CHRNG: variants seen among roughly 807,000 people sequenced by gnomAD.
The protein encoded by CHRNG is acetylcholine receptor subunit gamma.
A neutral mutation model predicts 65.2 loss-of-function variants in CHRNG; 72 were observed. The observed-to-expected ratio is 1.10, with a 90% confidence interval of 0.91 to 1.34. The LOEUF (loss-of-function observed/expected upper bound fraction) is 1.34, where lower values mean the gene tolerates loss of function less well. Among genes scored for constraint, CHRNG ranks in the 40% most tolerant of loss-of-function variants. The pLI, the probability that CHRNG is intolerant of heterozygous loss-of-function variation, is 0.00. For synonymous variants in CHRNG, 284 were observed against 290.2 expected (o/e 0.98, Z 0.22); for missense variants, 637 against 680.1 (o/e 0.94, Z 0.70).
rs1236498028 is a variant in CHRNG, at chr2:232,547,609, T to C, written c.*1893T>C. Among the ~76,000 whole-genome samples, 2 of 152,180 alleles carry C rather than the reference T, an allele frequency of 1.3e-5. No homozygotes were observed. The highest frequency in any genetic ancestry group is 6.5e-5 in the Admixed American group (1 of 15,282). Reference sequence around the variant, plus strand: ...TCCAGTGTGAGTCTGTGTCTGTGCATGCACAGTGTGTTTGAAGCAAGAGCA... The same window carrying C: ...TCCAGTGTGAGTCTGTGTCTGTGCACGCACAGTGTGTTTGAAGCAAGAGCA... On this transcript the variant is annotated 3_prime_UTR_variant, in exon 12 of 12. Coordinates refer to ENST00000651502, the MANE Select transcript of CHRNG (RefSeq NM_005199.5).
rs1418842113 is a variant in CHRNG, at chr2:232,547,044, G to GGAC, written c.*1329_*1331dup. Among the ~76,000 whole-genome samples, 1 of 152,092 alleles carries GGAC rather than the reference G, an allele frequency of 6.6e-6. No individual in the cohort carries two copies. The highest frequency in any genetic ancestry group is 6.5e-5 in the Admixed American group (1 of 15,272). Reference sequence around the variant, plus strand: ...CACACGAGTTTGGCTGGTAACCAGGGGACACCCTTGGGCAAGTCACCTATG... The same window carrying GGAC: ...CACACGAGTTTGGCTGGTAACCAGGGGACGACACCCTTGGGCAAGTCACCTATG... On this transcript the variant is annotated 3_prime_UTR_variant, in exon 12 of 12. Coordinates refer to ENST00000651502, the MANE Select transcript of CHRNG (RefSeq NM_005199.5).
chr2:232,543,375 G>A lies in CHRNG; in HGVS notation c.906G>A (p.Val302=). 1 of 1,612,958 alleles carries A rather than the reference G, an allele frequency of 6.2e-7. No homozygotes were observed. The highest frequency in any genetic ancestry group is 8.5e-7 in the Non-Finnish European group (1 of 1,178,982). The change falls in exon 8 of 12, where the codon GTG becomes GTA. Residue 302 remains valine (V), a synonymous_variant. Transcript: ENST00000651502. ...AGGTGCCTGAAACCTCCCAGGCGGT[G>A]CCACTCATCAGCAAGTAAGGCTGGT... ...AKKVPETSQA[V]PLISKYLTFL...
chr2:232,542,939 C>A lies in CHRNG; in HGVS notation c.662C>A (p.Ala221Glu). ...RPAKMLLDPA[A>E]PAQEAGHQKV... ...GCCAAGATGCTCCTGGACCCAGCGG[C>A]GCCAGCCCAGGAAGCAGGCCACCAG... The change falls in exon 7 of 12, where the codon GCG becomes GAG. Residue 221 changes from alanine to glutamate, a missense_variant. Physicochemically the swap from Ala to Glu is moderately radical, Grantham distance 107. Coordinates refer to ENST00000651502, the MANE Select transcript of CHRNG (RefSeq NM_005199.5). The A allele has an allele frequency of 6.2e-7, 1 of 1,614,140 alleles. No homozygotes were observed. Among genetic ancestry groups the A allele is most frequent in the Non-Finnish European group, 8.5e-7 (1 of 1,179,990 alleles).
chr2:232,544,765 T>G lies in CHRNG; in HGVS notation c.1250-7T>G. ...TACTCCCAAACCTTACCCTTTCTCTTTATCAGAGAAAGGCCCGGAGTTAGG... is the reference window on the plus strand; with the variant it reads ...TACTCCCAAACCTTACCCTTTCTCTGTATCAGAGAAAGGCCCGGAGTTAGG... On this transcript the variant is annotated splice_region_variant and splice_polypyrimidine_tract_variant and intron_variant, in intron 10 of 11. Coordinates refer to ENST00000651502, the MANE Select transcript of CHRNG (RefSeq NM_005199.5). 2.5e-6 allele frequency: 4 copies of G among 1,613,720 alleles called. No homozygotes were observed. The highest frequency in any genetic ancestry group is 3.4e-6 in the Non-Finnish European group (4 of 1,179,814).
rs1392694574 is a variant in CHRNG at position 232,548,004 on chromosome 2, T to C, written c.*2288T>C. On this transcript the variant is annotated 3_prime_UTR_variant, in exon 12 of 12. Transcript: ENST00000651502. ...TTTCCCAATGCATATAAAAGTTATG[T>C]TTACACTATACTGTAGACCAGCAAG... is the stretch of plus-strand genomic sequence containing the variant. 2 of 471,622 alleles carry C rather than the reference T, an allele frequency of 4.2e-6. No individual in the cohort carries two copies. The highest frequency in any genetic ancestry group is 4.0e-5 in the African/African-American group (2 of 49,480). The allele number at this position is 471,622 out of a possible 1,614,324, so 29.2% of individuals were successfully genotyped here. A position where few individuals can be genotyped will look rare whatever the true frequency, so the allele number is the denominator to read the frequency against.
Position 232,543,323 on chromosome 2 carries a change from C to G in CHRNG, c.854C>G (p.Thr285Ser). 6.2e-7 allele frequency: 1 copy of G among 1,614,196 alleles called. No homozygotes were observed. Among genetic ancestry groups the G allele is most frequent in the Non-Finnish European group, 8.5e-7 (1 of 1,180,028 alleles). Residue 285 changes from threonine (T) to serine (S), a missense_variant, in exon 8 of 12, where the codon ACT becomes AGT. By Grantham distance (58) the Thr-to-Ser change is moderately conservative (BLOSUM62 1). Coordinates refer to ENST00000651502, the MANE Select transcript of CHRNG (RefSeq NM_005199.5). Reference protein sequence around the residue: ...TVAINVLLAQTVFLFLVAKKV... With the variant: ...TVAINVLLAQSVFLFLVAKKV... ...GCCATCAACGTGCTCCTGGCCCAGACTGTCTTCCTCTTCCTTGTGGCCAAG... is the reference window on the plus strand; with the variant it reads ...GCCATCAACGTGCTCCTGGCCCAGAGTGTCTTCCTCTTCCTTGTGGCCAAG...
chr2:232,540,652 G>T lies in CHRNG; in HGVS notation c.291G>T (p.Leu97=). The T allele has an allele frequency of 6.2e-7, 1 of 1,613,214 alleles. No individual in the cohort carries two copies. Among genetic ancestry groups the T allele is most frequent in the South Asian group, 1.1e-5 (1 of 91,076 alleles). ...GGGATCCGCGAGACTACGAAGGCCT[G>T]TGGGTGCTGAGGGTGCCGTCCACCA... ...LRWDPRDYEG[L]WVLRVPSTMV... The change falls in exon 4 of 12, where the codon CTG becomes CTT. Residue 97 remains leucine (L), a synonymous_variant. Coordinates refer to ENST00000651502, the MANE Select transcript of CHRNG (RefSeq NM_005199.5). This position sits in a 1 kb window ranked among gnomAD's most constrained non-coding sequence, Gnocchi z 4.2.
chr2:232,542,347 C>A (rs755839616), intron 5 of CHRNG, 76 bp from the exon 6 acceptor site: 1 of 941,634 alleles, frequency 1.1e-6, no homozygotes, highest in Non-Finnish European at 1.7e-6. Flanking sequence ...CCACACTTGT[C>A]CCCAGAAGGT....
At chr2:232,542,085 G>T in intron 5 of CHRNG, among the ~76,000 whole-genome samples, 1 of 152,132 alleles carries the variant, frequency 6.6e-6, no homozygotes, top group East Asian at 1.9e-4. Flanking sequence ...TAGACACGGG[G>T]GTCCTCCTGA....
Sources: allele counts gnomAD v4.1 joint callset (sites outside exome capture counted in the v4.1 genomes callset), GRCh38; gene constraint gnomAD v4.1.1; non-coding constraint Gnocchi (gnomAD v3.1); transcripts MANE v1.5; gene names NCBI Gene and HGNC (gene_info 2026-07-23, HGNC 2026-07-21).